ANXA10: variants seen among roughly 807,000 people sequenced by gnomAD.
The protein encoded by ANXA10 is annexin A10, also known as annexin 14.
In ANXA10, 49 loss-of-function variants were observed where a neutral mutation model predicts 53.5. That is an observed-to-expected ratio of 0.92 (90% CI 0.73 to 1.16). The LOEUF (loss-of-function observed/expected upper bound fraction) is 1.16, where lower values mean the gene tolerates loss of function less well. ANXA10 is among the 50% of genes most tolerant of loss of function. The pLI, the probability that ANXA10 is intolerant of heterozygous loss-of-function variation, is 0.00. For synonymous variants in ANXA10, 131 were observed against 128.9 expected (o/e 1.02, Z -0.11); for missense variants, 393 against 394.4 (o/e 1.00, Z 0.03).
At chr4:168,177,592 T>C (rs1235893920) in intron 6 of ANXA10, 148 bp from the exon 7 acceptor site, 4 of 724,408 alleles carry the variant, frequency 5.5e-6, no homozygotes, top group Non-Finnish European at 9.4e-6. Flanking sequence ...AAAGTATTCA[T>C]GAAATCAGGA....
intron 6 of ANXA10, among the ~76,000 whole-genome samples, chr4:168,173,679 C>A (rs993092379): frequency 6.6e-6 from 1 of 152,070 alleles, no homozygotes; most frequent in South Asian, 2.1e-4. Flanking sequence ...GATGGTAAAA[C>A]CCAACCTTCA....
chr4:168,159,518 T>C (rs1731745272), intron 3 of ANXA10, among the ~76,000 whole-genome samples: 1 of 152,156 alleles, frequency 6.6e-6, no homozygotes, highest in Admixed American at 6.6e-5. Context: ...TCCACCTGGG[T>C]CTAGAGATAG....
intron 3 of ANXA10, among the ~76,000 whole-genome samples, chr4:168,141,921 G>T (rs1731333313): frequency 6.6e-6 from 1 of 152,062 alleles, no homozygotes; most frequent in Admixed American, 6.5e-5. Flanking sequence ...CTATTAGTCA[G>T]TGCGCATGCG....
chr4:168,164,336 T>C (rs1379704193), intron 5 of ANXA10, 48 bp downstream of exon 5: 1 of 1,293,058 alleles, frequency 7.7e-7, no homozygotes, highest in African/African-American at 1.5e-5. Flanking sequence ...ATAAGAACTT[T>C]ATAACACATT....
At chr4:168,149,039 T>C (rs1430522305) in intron 3 of ANXA10, among the ~76,000 whole-genome samples, 1 of 152,166 alleles carries the variant, frequency 6.6e-6, no homozygotes, top group African/African-American at 2.4e-5. Flanking sequence ...ATTTTGTTTG[T>C]TTTGATCCTT....
At chr4:168,137,883 T>C (rs1415813510) in intron 2 of ANXA10, among the ~76,000 whole-genome samples, 2 of 152,134 alleles carry the variant, frequency 1.3e-5, no homozygotes, top group East Asian at 3.8e-4. Flanking sequence ...ACAAAGATCA[T>C]ACTAATTTAC....
At chr4:168,176,584 T>C (rs1394379105) in intron 6 of ANXA10, among the ~76,000 whole-genome samples, 1 of 152,016 alleles carries the variant, frequency 6.6e-6, no homozygotes, top group Non-Finnish European at 1.5e-5. Flanking sequence ...CGGTAAGAAA[T>C]TTGGGATCCC....
Position 168,178,143 on chromosome 4 carries a change from T to C in ANXA10, c.628+160T>C, listed in dbSNP as rs1441743776. Reference sequence around the variant, plus strand: ...ATTTTGTTTATAAGATGTGCCTTATTTAATGACATTACTAAGGAATAAATA... The same window carrying C: ...ATTTTGTTTATAAGATGTGCCTTATCTAATGACATTACTAAGGAATAAATA... On this transcript the variant is annotated intron_variant, in intron 8 of 11. Transcript: ENST00000359299. The C allele has an allele frequency of 1.6e-5, 10 of 614,938 alleles. No homozygotes were observed. In the Admixed American group the frequency reaches 2.7e-4, roughly 17 times the overall value. 38.1% of individuals were successfully genotyped at this position (614,938 alleles called of 1,614,324 possible).
intron 3 of ANXA10, among the ~76,000 whole-genome samples, chr4:168,142,704 T>C (rs1488558757): frequency 6.6e-6 from 1 of 152,228 alleles, no homozygotes; most frequent in Non-Finnish European, 1.5e-5. Context: ...GATTGCTTAA[T>C]TAATGTTTAT....
In ANXA10 at chr4:168,164,290, TAA is replaced by T. The variant is rs1303050862; in HGVS notation, c.400+3_400+4del. On this transcript the variant is annotated splice_donor_region_variant and intron_variant, in intron 5 of 11. Coordinates refer to ENST00000359299, the MANE Select transcript of ANXA10 (RefSeq NM_007193.5). ...AGATGCGAGAAGCCTACTGCTTGCG[TAA>T]GGAAATATACATATGTGAATATATT... 1.9e-6 allele frequency: 3 copies of T among 1,590,848 alleles called. No individual in the cohort carries two copies. Among genetic ancestry groups the T allele is most frequent in the Non-Finnish European group, 2.6e-6 (3 of 1,159,610 alleles).
chr4:168,162,706 C>A, intron 4 of ANXA10, 65 bp downstream of exon 4: 1 of 1,260,934 alleles, frequency 7.9e-7, no homozygotes, highest in Non-Finnish European at 1.2e-6. Flanking sequence ...AGAGGGGAAA[C>A]TGCCCTGTGA....
intron 8 of ANXA10, 189 bp downstream of exon 8, chr4:168,178,172 C>A (rs1211430629): frequency 7.3e-6 from 4 of 549,832 alleles, no homozygotes; most frequent in Admixed American, 3.4e-5. Context: ...ATAAATATTT[C>A]CTTAATATTT....
chr4:168,114,653 T>C (rs62336212), intron 1 of ANXA10, among the ~76,000 whole-genome samples: 23,455 of 152,112 alleles, frequency 0.15, 2,157 homozygotes, highest in East Asian at 0.27. Context: ...AAATCCACCC[T>C]CTGAAAGGAT....
chr4:168,120,849 C>T (rs4303947), intron 1 of ANXA10, among the ~76,000 whole-genome samples: 100,864 of 151,848 alleles, frequency 0.66, 34,100 homozygotes, highest in African/African-American at 0.77. Flanking sequence ...ATTTTTTCAA[C>T]ATCACTTCAT....
At position 168,184,650 on chromosome 4, in the gene ANXA10, G is replaced by T. The variant is rs200407221; in HGVS notation, c.875G>T (p.Arg292Leu). ...LLTIRKRYKE[R>L]YGKSLFHDIR... ...ACCATAAGGAAACGATACAAAGAGC[G>T]ATATGGAAAATCCCTATTTCATGAT... The change falls in exon 11 of 12, where the codon CGA (arginine) becomes CTA (leucine). Residue 292 changes from arginine to leucine, a missense_variant. By Grantham distance (102) the Arg-to-Leu change is moderately radical (BLOSUM62 -2). Coordinates refer to ENST00000359299, the MANE Select transcript of ANXA10 (RefSeq NM_007193.5). 4.2e-5 allele frequency: 67 copies of T among 1,614,050 alleles called. No individual in the cohort carries two copies. The East Asian group carries it at 1.4e-3, about 33-fold the overall frequency.
At chr4:168,147,955 G>A (rs1033773403) in intron 3 of ANXA10, among the ~76,000 whole-genome samples, 3 of 152,186 alleles carry the variant, frequency 2.0e-5, no homozygotes, top group Admixed American at 6.5e-5. Context: ...AGCATGACAC[G>A]TTGATATCCT....
At position 168,186,838 on chromosome 4, in the gene ANXA10, T is replaced by C. The variant is rs74895249; in HGVS notation, c.907-528T>C. On this transcript the variant is annotated intron_variant, in intron 11 of 11. Transcript: ENST00000359299. ...GTACACAAACTACCTCACATTATTATACATTGCTTCTCAGTTTTTCACTAT... is the reference window on the plus strand; with the variant it reads ...GTACACAAACTACCTCACATTATTACACATTGCTTCTCAGTTTTTCACTAT... Among the ~76,000 whole-genome samples, 781 of 152,294 alleles carry C rather than the reference T, an allele frequency of 5.1e-3. 7 individuals are homozygous for C. Among genetic ancestry groups the C allele is most frequent in the African/African-American group, 0.018 (751 of 41,570 alleles).
chr4:168,120,661 G>A (rs1319130763), intron 1 of ANXA10, among the ~76,000 whole-genome samples: 1 of 151,934 alleles, frequency 6.6e-6, no homozygotes, highest in Non-Finnish European at 1.5e-5. Flanking sequence ...AATGTGGGAG[G>A]TTCAATATCC....
At chr4:168,180,892 A>T (rs989843704) in intron 9 of ANXA10, among the ~76,000 whole-genome samples, 1 of 152,160 alleles carries the variant, frequency 6.6e-6, no homozygotes, top group Non-Finnish European at 1.5e-5. Flanking sequence ...CTACCACCTT[A>T]GCAGTTTTTA....
Sources: gnomAD v4.1 joint callset for allele counts (sites outside exome capture counted in the v4.1 genomes callset) on GRCh38, gnomAD v4.1.1 for gene constraint, MANE v1.5 for transcripts, NCBI Gene and HGNC (gene_info 2026-07-23, HGNC 2026-07-21) for gene names.